WDHD1: variants seen among roughly 807,000 people sequenced by gnomAD.
WDHD1 encodes WD repeat and HMG-box DNA binding protein 1.
Under a neutral mutation model 135.4 loss-of-function variants are expected in WDHD1, and 111 were observed. The observed-to-expected ratio is 0.82, with a 90% CI of 0.70 to 0.96. The LOEUF is 0.96. Among genes scored for constraint, WDHD1 ranks in the 40% least tolerant of loss-of-function variants. The pLI is 0.00. For synonymous variants in WDHD1, 434 were observed against 439.0 expected, an observed-to-expected ratio of 0.99 and a Z score of 0.14; for missense variants, 1,351 against 1,336.3, an observed-to-expected ratio of 1.01 and a Z score of -0.17.
chr14:55,026,782 A>T lies in WDHD1; in HGVS notation c.6T>A (p.Pro2=), dbSNP rs757429900. M[P]ATRKPMRYGH... is the part of the protein sequence containing the mutation. Reference sequence around the variant, plus strand: ...CATATCTCATTGGCTTCCGTGTGGCAGGCATGTTTTCCTTTACCTATCTGA... The same window carrying T: ...CATATCTCATTGGCTTCCGTGTGGCTGGCATGTTTTCCTTTACCTATCTGA... The change falls in exon 2 of 26, where the codon CCT becomes CCA. Residue 2 remains proline, a synonymous_variant. Transcript: ENST00000360586. The T allele has an allele frequency of 2.5e-6, 4 of 1,614,092 alleles. No homozygotes were observed. In the African/African-American group the frequency reaches 4.0e-5, roughly 16 times the overall value.
At chr14:54,984,663 T>C in intron 15 of WDHD1, 60 bp downstream of exon 15, 2 of 1,330,926 alleles carry the variant, frequency 1.5e-6, no homozygotes, top group Non-Finnish European at 2.0e-6. Flanking sequence ...ATAATTTTCT[T>C]CTTGAAGAAT....
In WDHD1 at chr14:54,957,168, T is replaced by A. The variant is rs2041173813; in HGVS notation, c.2782A>T (p.Asn928Tyr). 4 of 1,614,102 alleles carry A rather than the reference T, an allele frequency of 2.5e-6. No homozygotes were observed. The highest frequency in any genetic ancestry group is 1.6e-4 in the Middle Eastern group (1 of 6,062). Residue 928 changes from asparagine to tyrosine, a missense_variant, in exon 23 of 26, where the codon AAT becomes TAT. Physicochemically the swap from Asn to Tyr is moderately radical, Grantham distance 143. Around this residue, in one of 2 missense-constraint regions of WDHD1, gnomAD observed 1,330 missense variants for 1,296.1 expected, o/e 1.03. Coordinates refer to ENST00000360586, the MANE Select transcript of WDHD1 (RefSeq NM_007086.4). ...AAAATATTAGTTGAACGTGCTGAAT[T>A]CATTGACATGGCTGGTTCTTTGGAA... is the stretch of plus-strand genomic sequence containing the variant. ...ASSKEPAMSMNSARSTNILDN... is the reference protein window; with the variant it reads ...ASSKEPAMSMYSARSTNILDN...
At chr14:54,976,211 A>G (rs1400500016) in intron 16 of WDHD1, among the ~76,000 whole-genome samples, 1 of 151,994 alleles carries the variant, frequency 6.6e-6, no homozygotes, top group African/African-American at 2.4e-5. Flanking sequence ...TAAAAATGCA[A>G]ATAAATATGA....
chr14:55,019,736 G>C (rs750022751), intron 2 of WDHD1, among the ~76,000 whole-genome samples: 4 of 152,156 alleles, frequency 2.6e-5, no homozygotes, highest in Non-Finnish European at 5.9e-5. Context: ...AGCTGTTGCG[G>C]AGGGCATCTG....
chr14:54,999,928 C>A (rs372421435), intron 10 of WDHD1, among the ~76,000 whole-genome samples: 200 of 152,264 alleles, frequency 1.3e-3, no homozygotes, highest in African/African-American at 4.4e-3. Flanking sequence ...CTTCAACTGA[C>A]TTCTTTAACC....
intron 24 of WDHD1, among the ~76,000 whole-genome samples, chr14:54,954,710 A>T (rs147029864): frequency 1.1e-3 from 165 of 152,306 alleles, no homozygotes; most frequent in African/African-American, 3.8e-3. Context: ...GCCTTGCTAT[A>T]GTATAAAGAA....
chr14:54,944,847 A>T (rs1376223275), intron 24 of WDHD1, among the ~76,000 whole-genome samples: 5 of 151,900 alleles, frequency 3.3e-5, no homozygotes, highest in African/African-American at 1.2e-4. Context: ...ACCTCACGTG[A>T]TCTGCCCGCC....
Position 55,006,048 on chromosome 14 carries a change from G to C in WDHD1, c.600+1232C>G, listed in dbSNP as rs533717508. ...CCTGGCTAATTTTCATTTTTTTGTGGAGACGAGGTCTTGCTATGTTGCCCA... is the reference window on the plus strand; with the variant it reads ...CCTGGCTAATTTTCATTTTTTTGTGCAGACGAGGTCTTGCTATGTTGCCCA... On this transcript the variant is annotated intron_variant, in intron 7 of 25. Coordinates refer to ENST00000360586, the MANE Select transcript of WDHD1 (RefSeq NM_007086.4). Among the ~76,000 whole-genome samples, 3 of 151,920 alleles carry C rather than the reference G, an allele frequency of 2.0e-5. No homozygotes were observed. The East Asian group carries it at 5.8e-4, about 29-fold the overall frequency.
At position 54,957,539 on chromosome 14, in the gene WDHD1, C is replaced by A. The variant is rs145015087; in HGVS notation, c.2745+53G>T. The A allele has an allele frequency of 1.0e-3, 1,463 of 1,430,238 alleles. 11 individuals carry two copies. In the African/African-American group the frequency reaches 0.019, roughly 19 times the overall value. The allele number at this position is 1,430,238 out of a possible 1,614,324, so 88.6% of individuals were successfully genotyped here. A position where few individuals can be genotyped will look rare whatever the true frequency, so the allele number is the denominator to read the frequency against. ...GTCATCTCATCATTTGGAAATATTT[C>A]TTTGTATACAAATGTATTTAAATAA... is the stretch of plus-strand genomic sequence containing the variant. On this transcript the variant is annotated intron_variant, in intron 22 of 25. Transcript: ENST00000360586.
chr14:54,994,185 A>C (rs187095161), intron 11 of WDHD1, among the ~76,000 whole-genome samples: 7 of 152,180 alleles, frequency 4.6e-5, no homozygotes, highest in East Asian at 1.9e-4. Context: ...TGAAGATTTT[A>C]AATTACAATC....
chr14:55,021,273 T>G (rs781769618), intron 2 of WDHD1, among the ~76,000 whole-genome samples: 4 of 152,250 alleles, frequency 2.6e-5, no homozygotes, highest in Non-Finnish European at 5.9e-5. Flanking sequence ...TCTGCCAGAT[T>G]GCCTAAAGTC....
intron 16 of WDHD1, among the ~76,000 whole-genome samples, chr14:54,976,792 AAG>A (rs1256131411): frequency 6.6e-6 from 1 of 152,136 alleles, no homozygotes; most frequent in Non-Finnish European, 1.5e-5. Context: ...ACCAAAAAAA[AAG>A]AAAAATATTC....
intron 24 of WDHD1, among the ~76,000 whole-genome samples, chr14:54,954,155 G>A (rs576349766): frequency 1.1e-4 from 17 of 151,956 alleles, no homozygotes; most frequent in African/African-American, 3.1e-4. Context: ...GCATGGTGGC[G>A]TATGCCTGCA....
chr14:54,963,108 G>C lies in WDHD1; in HGVS notation c.2375C>G (p.Ala792Gly), dbSNP rs570171836. The change falls in exon 19 of 26, where the codon GCT becomes GGT. Residue 792 changes from alanine to glycine, a missense_variant. This residue lies in a region of WDHD1 where 1,330 missense variants were observed against 1,296.1 expected (regional missense o/e 1.03). Transcript: ENST00000360586. ...AGCATATTTAATGGCTAAATTCACA[G>C]CATTTTGAGTCATTAGATCAGCAAG... Reference protein sequence around the residue: ...VELADLMTQNAVNLAIKYASR... With the variant: ...VELADLMTQNGVNLAIKYASR... 1 of 1,385,668 alleles carries C rather than the reference G, an allele frequency of 7.2e-7. No homozygotes were observed. Among genetic ancestry groups the C allele is most frequent in the African/African-American group, 1.6e-5 (1 of 62,628 alleles). 85.8% of individuals were successfully genotyped at this position (1,385,668 alleles called of 1,614,324 possible).
At position 54,951,694 on chromosome 14, in the gene WDHD1, C is replaced by CA. The variant is rs1387039115; in HGVS notation, c.3050+3866dup. On this transcript the variant is annotated intron_variant, in intron 24 of 25. Coordinates refer to ENST00000360586, the MANE Select transcript of WDHD1 (RefSeq NM_007086.4). ...ATACCAAAGCCTGGCAGACACACAA[C>CA]AAAAAAAGAGAATTTTAGACCAATA... is the stretch of plus-strand genomic sequence containing the variant. Among the ~76,000 whole-genome samples, 4 of 151,988 alleles carry CA rather than the reference C, an allele frequency of 2.6e-5. No homozygotes were observed. The South Asian group carries it at 8.3e-4, about 32-fold the overall frequency.
At chr14:55,010,717 A>G in intron 3 of WDHD1, among the ~76,000 whole-genome samples, 1 of 152,200 alleles carries the variant, frequency 6.6e-6, no homozygotes, top group South Asian at 2.1e-4. Flanking sequence ...GGTAAGAAAA[A>G]TGTTTGAATA....
At chr14:55,012,493 T>A (rs2042187404) in intron 3 of WDHD1, among the ~76,000 whole-genome samples, 1 of 152,160 alleles carries the variant, frequency 6.6e-6, no homozygotes, top group Non-Finnish European at 1.5e-5. Context: ...CACATATGAA[T>A]ATATATTGGG....
At position 54,975,062 on chromosome 14, in the gene WDHD1, C is replaced by T. The variant is rs190542010; in HGVS notation, c.2063+6478G>A. Among the ~76,000 whole-genome samples the T allele has an allele frequency of 4.1e-4, 63 of 152,160 alleles. 1 individual carries two copies. The highest frequency in any genetic ancestry group is 1.4e-3 in the African/African-American group (57 of 41,506). ...CTTTGTGTGGTATAGCACATCTAGT[C>T]GGTACTATAATAAATGCTAATTCAG... On this transcript the variant is annotated intron_variant, in intron 16 of 25. Coordinates refer to ENST00000360586, the MANE Select transcript of WDHD1 (RefSeq NM_007086.4).
At chr14:54,975,809 T>A (rs2041515707) in intron 16 of WDHD1, among the ~76,000 whole-genome samples, 1 of 152,014 alleles carries the variant, frequency 6.6e-6, no homozygotes, top group African/African-American at 2.4e-5. Flanking sequence ...GGTATTCAGG[T>A]GTGCACCGAT....
Sources: allele counts gnomAD v4.1 joint callset (sites outside exome capture counted in the v4.1 genomes callset), GRCh38; gene constraint gnomAD v4.1.1; regional missense constraint gnomAD v4.1.1; transcripts MANE v1.5; gene names NCBI Gene and HGNC (gene_info 2026-07-23, HGNC 2026-07-21).